The following ELF1 variants were observed in gnomAD, a reference collection of about 807,000 sequenced individuals.
ELF1 encodes ETS-related transcription factor Elf-1.
ELF1 carries 24 observed loss-of-function variants against 59.9 expected under a neutral mutation model. The observed-to-expected ratio is 0.40, with a 90% CI of 0.29 to 0.56. The LOEUF is 0.56. ELF1 is among the 20% of genes least tolerant of loss of function. The pLI, the probability that ELF1 is intolerant of heterozygous loss-of-function variation, is 0.44. For missense variants in ELF1, 627 were observed against 742.2 expected, an observed-to-expected ratio of 0.84 and a Z score of 1.80; for synonymous variants, 248 against 266.2, an observed-to-expected ratio of 0.93 and a Z score of 0.67.
rs112840555 is a variant in ELF1, at chr13:41,042,465, G to A, written c.-229+18373C>T. On this transcript the variant is annotated intron_variant, in intron 1 of 1. Transcript: ENST00000405737. ...TAATGCTATCCCTCCCCACTCCCCC[G>A]ACCCCACAATAGGCCCCAGTGTGTG... 5.6e-3 allele frequency among the ~76,000 whole-genome samples: 852 copies of A among 151,242 alleles called. 8 individuals carry two copies. Among genetic ancestry groups the A allele is most frequent in the African/African-American group, 0.02 (805 of 41,152 alleles).
intron 2 of ELF1, among the ~76,000 whole-genome samples, chr13:40,974,516 G>C (rs1025745736): frequency 6.6e-6 from 1 of 152,202 alleles, no homozygotes. Flanking sequence ...CTACTTCTTA[G>C]GATTGTTGTA....
chr13:40,983,241 T>C (rs920661798), intron 1 of ELF1, among the ~76,000 whole-genome samples: 1 of 152,222 alleles, frequency 6.6e-6, no homozygotes, highest in African/African-American at 2.4e-5. Context: ...TTCTTTGAAT[T>C]AGCATTTACA....
chr13:41,013,931 A>C (rs1018888446), intron 1 of ELF1, among the ~76,000 whole-genome samples: 3 of 151,914 alleles, frequency 2.0e-5, no homozygotes, highest in African/African-American at 4.8e-5. Context: ...CCCAGAAACT[A>C]ATTTTCTTTA....
In ELF1 at chr13:41,031,703, C is replaced by T. The variant is rs1412683575; in HGVS notation, c.-229+29135G>A. Among the ~76,000 whole-genome samples the T allele has an allele frequency of 2.0e-5, 3 of 151,088 alleles. No individual in the cohort carries two copies. In the East Asian group the frequency reaches 5.8e-4, roughly 29 times the overall value. ...GGGGTGTTGGTGGGCGCCTGTAATC[C>T]CATCTACTAGGGAGGCTGAGACAGA... On this transcript the variant is annotated intron_variant, in intron 1 of 1. Transcript: ENST00000405737.
rs78294195 is a variant in ELF1, at chr13:41,061,099, C to T, written c.-490G>A. On this transcript the variant is annotated 5_prime_UTR_variant, in exon 1 of 2. Coordinates refer to the ELF1 transcript ENST00000405737. ...CAGCGCCGGTCCCGCAGTTTCACCT[C>T]TTTTTTTTTTAACTCCGCCAGAGGA... 4.5e-4 allele frequency: 84 copies of T among 185,432 alleles called. 1 individual carries two copies. The South Asian group carries it at 7.2e-3, about 16-fold the overall frequency. The allele number at this position is 185,432 out of a possible 1,614,324, so 11.5% of individuals were successfully genotyped here.
chr13:40,970,060 AT>A (rs1555274328), intron 2 of ELF1, among the ~76,000 whole-genome samples: 1 of 152,220 alleles, frequency 6.6e-6, no homozygotes, highest in Non-Finnish European at 1.5e-5. Flanking sequence ...CATTATTACC[AT>A]TCCAAAAACT....
intron 1 of ELF1, among the ~76,000 whole-genome samples, chr13:41,060,341 G>A (rs1019205731): frequency 6.6e-6 from 1 of 152,226 alleles, no homozygotes; most frequent in Non-Finnish European, 1.5e-5. Flanking sequence ...AGGAAGAGTC[G>A]CAAGAGCGGC....
rs1322269026 is a variant in ELF1 at position 40,940,956 on chromosome 13, C to T, written c.1221G>A (p.Gln407=). Residue 407 remains glutamine, a synonymous_variant, in exon 8 of 9, where the codon CAG becomes CAA. Coordinates refer to ENST00000239882, the MANE Select transcript of ELF1 (RefSeq NM_172373.4). ...EGEAARTSTM[Q]DETLNSSVQS... ...GAACGGAAGAATTTAATGTTTCATC[C>T]TGCATGGTACTGGTTCTAGCTGCTT... The T allele has an allele frequency of 6.2e-7, 1 of 1,613,762 alleles. No homozygotes were observed. Among genetic ancestry groups the T allele is most frequent in the Admixed American group, 1.7e-5 (1 of 59,968 alleles).
In ELF1 at chr13:41,060,236, C is replaced by T. The variant is rs142264049; in HGVS notation, c.-229+602G>A. 2.7e-3 allele frequency among the ~76,000 whole-genome samples: 417 copies of T among 152,328 alleles called. 8 individuals carry two copies. The East Asian group carries it at 0.049, about 18-fold the overall frequency. ...GAAGGCACACTGTGTTCCGTGGGGC[C>T]TCGTAAATACCCTGCGGCCAGAGAA... On this transcript the variant is annotated intron_variant, in intron 1 of 1. Coordinates refer to the ELF1 transcript ENST00000405737.
intron 1 of ELF1, among the ~76,000 whole-genome samples, chr13:41,051,934 C>CTTTTTT (rs757348738): frequency 1.6e-5 from 2 of 127,248 alleles, no homozygotes; most frequent in Non-Finnish European, 3.3e-5. Flanking sequence ...TTCTTTTTCT[C>CTTTTTT]TTTTTTTTTT....
chr13:40,987,766 C>T (rs1399390241), intron 1 of ELF1, among the ~76,000 whole-genome samples: 1 of 152,024 alleles, frequency 6.6e-6, no homozygotes, highest in Admixed American at 6.6e-5. Flanking sequence ...GTACATATGG[C>T]ATGTTTGTAG....
intron 1 of ELF1, among the ~76,000 whole-genome samples, chr13:41,045,487 G>A (rs1467487463): frequency 1.3e-5 from 2 of 152,102 alleles, no homozygotes; most frequent in African/African-American, 4.8e-5. Flanking sequence ...CTGGTATGTT[G>A]TGTCTTTGTT....
intron 1 of ELF1, among the ~76,000 whole-genome samples, chr13:41,043,013 G>A (rs1876686349): frequency 6.6e-6 from 1 of 152,154 alleles, no homozygotes. Flanking sequence ...GTGTAAGATG[G>A]TATCTCATTG....
chr13:41,006,450 A>T (rs1249126576), intron 1 of ELF1, among the ~76,000 whole-genome samples: 1 of 152,136 alleles, frequency 6.6e-6, no homozygotes, highest in Non-Finnish European at 1.5e-5. Flanking sequence ...ACTGGGGGGC[A>T]GGATGGGGAG....
At chr13:40,987,427 A>G in intron 1 of ELF1, among the ~76,000 whole-genome samples, 1 of 146,888 alleles carries the variant, frequency 6.8e-6, no homozygotes, top group East Asian at 2.0e-4. Flanking sequence ...CCAAAAACAC[A>G]AAAAAAAAAT....
intron 2 of ELF1, among the ~76,000 whole-genome samples, chr13:40,976,352 T>C (rs1210892297): frequency 6.6e-6 from 1 of 152,168 alleles, no homozygotes; most frequent in African/African-American, 2.4e-5. Context: ...ATAAACTAGA[T>C]CCTCCTTTGA....
intron 5 of ELF1, among the ~76,000 whole-genome samples, chr13:40,947,717 T>C (rs1362856026): frequency 6.6e-6 from 1 of 152,140 alleles, no homozygotes; most frequent in Non-Finnish European, 1.5e-5. Context: ...CATACAAGAT[T>C]TCCTCAGATA....
intron 1 of ELF1, among the ~76,000 whole-genome samples, chr13:41,052,856 T>A (rs1376693734): frequency 6.6e-6 from 1 of 152,246 alleles, no homozygotes; most frequent in African/African-American, 2.4e-5. Context: ...TACATAAACG[T>A]GCACTTTCAT....
chr13:41,030,859 G>GT (rs1876131588), intron 1 of ELF1, among the ~76,000 whole-genome samples: 1 of 151,958 alleles, frequency 6.6e-6, no homozygotes, highest in South Asian at 2.1e-4. Flanking sequence ...TGACGAGACT[G>GT]TTTAAGAAAA....
Sources: allele counts gnomAD v4.1 joint callset (sites outside exome capture counted in the v4.1 genomes callset), GRCh38; gene constraint gnomAD v4.1.1; transcripts MANE v1.5; gene names NCBI Gene and HGNC (gene_info 2026-07-23, HGNC 2026-07-21).